The following PACRG variants were observed in gnomAD, a reference collection of about 807,000 sequenced individuals.
PACRG encodes the protein parkin coregulated, also known as parkin coregulated gene protein.
In PACRG, 29 loss-of-function variants were observed where a neutral mutation model predicts 29.7. That is an observed-to-expected ratio of 0.98 (90% confidence interval 0.73 to 1.33). The LOEUF (loss-of-function observed/expected upper bound fraction) is 1.33, where lower values mean the gene tolerates loss of function less well. Ranked by LOEUF, PACRG falls within the 40% of genes most tolerant of loss-of-function variation. PACRG has a pLI of 0.00. For synonymous variants in PACRG, 116 were observed against 118.7 expected (o/e 0.98, Z 0.15); for missense variants, 279 against 316.2 (o/e 0.88, Z 0.89).
At chr6:163,072,669 T>C (rs924888963) in intron 3 of PACRG, among the ~76,000 whole-genome samples, 2 of 152,140 alleles carry the variant, frequency 1.3e-5, no homozygotes, top group African/African-American at 2.4e-5. Context: ...AGTCAAATTA[T>C]CCTTGTTTGC....
At chr6:162,984,002 T>G (rs1802659102) in intron 2 of PACRG, among the ~76,000 whole-genome samples, 1 of 151,884 alleles carries the variant, frequency 6.6e-6, no homozygotes, top group Admixed American at 6.6e-5. Flanking sequence ...TTGTTCATTT[T>G]TAAAATTCTT....
chr6:163,111,479 A>AAT (rs1242242105), intron 4 of PACRG, among the ~76,000 whole-genome samples: 3 of 152,246 alleles, frequency 2.0e-5, no homozygotes, highest in Admixed American at 2.0e-4. Flanking sequence ...GGAGCAAAAT[A>AAT]ATATTCAACC....
intron 4 of PACRG, among the ~76,000 whole-genome samples, chr6:163,158,218 C>T (rs997904621): frequency 2.0e-5 from 3 of 152,140 alleles, no homozygotes; most frequent in Non-Finnish European, 4.4e-5. Flanking sequence ...ATTGTACCTA[C>T]AGGGAGTGGC....
In PACRG at chr6:162,956,553, G is replaced by C. The variant is rs961010846; in HGVS notation, c.292-105597G>C. Among the ~76,000 whole-genome samples the C allele has an allele frequency of 2.1e-4, 32 of 152,316 alleles. 1 individual carries two copies. The highest frequency in any genetic ancestry group is 2.1e-3 in the Admixed American group (32 of 15,296). ...GCTCTGGAGGCCAGAAGTCTCAGAT[G>C]AGAGTGTTGGCAGGGCCGTGCTCCC... On this transcript the variant is annotated intron_variant, in intron 2 of 4. Transcript: ENST00000366888.
At chr6:163,258,930 A>G (rs940947380) in intron 4 of PACRG, among the ~76,000 whole-genome samples, 2 of 152,160 alleles carry the variant, frequency 1.3e-5, no homozygotes, top group African/African-American at 4.8e-5. Flanking sequence ...AATGCCTCTA[A>G]TAATCACTAA....
At chr6:162,801,470 G>GA (rs145861390) in intron 1 of PACRG, among the ~76,000 whole-genome samples, 6,055 of 149,924 alleles carry the variant, frequency 0.04, 383 homozygotes, top group African/African-American at 0.14. Flanking sequence ...GCACCGATTA[G>GA]AAAAAAAAAT....
intron 4 of PACRG, chr6:163,310,398 G>T (rs1006486789): frequency 2.0e-5 from 3 of 152,252 alleles, no homozygotes; most frequent in African/African-American, 7.2e-5. Flanking sequence ...CAGGAAGCGT[G>T]GCTAATTAGG....
intron 4 of PACRG, among the ~76,000 whole-genome samples, chr6:163,196,970 G>GAT (rs1450713885): frequency 2.7e-5 from 4 of 148,118 alleles, no homozygotes; most frequent in Non-Finnish European, 4.5e-5. Flanking sequence ...TAGATAGATA[G>GAT]AGGCGGACAG....
intron 4 of PACRG, among the ~76,000 whole-genome samples, chr6:163,218,137 A>G (rs1307441682): frequency 6.6e-6 from 1 of 152,130 alleles, no homozygotes; most frequent in Non-Finnish European, 1.5e-5. Flanking sequence ...CCTCTTCTCC[A>G]AAAGAAAACA....
intron 2 of PACRG, among the ~76,000 whole-genome samples, chr6:162,896,850 CA>C (rs2128050505): frequency 6.6e-6 from 1 of 152,238 alleles, no homozygotes; most frequent in African/African-American, 2.4e-5. Flanking sequence ...TGTGTCATTC[CA>C]AAACCAATAA....
chr6:163,249,347 A>T (rs1782815942), intron 4 of PACRG, among the ~76,000 whole-genome samples: 1 of 145,832 alleles, frequency 6.9e-6, no homozygotes, highest in Non-Finnish European at 1.5e-5. Context: ...TTGTCCATTT[A>T]AAAAAAAACA....
chr6:162,794,300 GTGTTTC>G (rs1275486292), intron 1 of PACRG, among the ~76,000 whole-genome samples: 3 of 152,186 alleles, frequency 2.0e-5, no homozygotes, highest in Middle Eastern at 3.4e-3. Flanking sequence ...CTGTGGGGTT[GTGTTTC>G]TTTTTCTTGT....
At chr6:162,884,430 G>A (rs887919145) in intron 2 of PACRG, among the ~76,000 whole-genome samples, 4 of 152,196 alleles carry the variant, frequency 2.6e-5, no homozygotes, top group African/African-American at 9.6e-5. Flanking sequence ...ATATATACAT[G>A]CACACAAGTG....
At chr6:163,266,399 C>T (rs1388246048) in intron 4 of PACRG, among the ~76,000 whole-genome samples, 1 of 152,166 alleles carries the variant, frequency 6.6e-6, no homozygotes, top group Non-Finnish European at 1.5e-5. Context: ...TACTGGCTTA[C>T]TGTCCAGCAA....
chr6:163,046,172 G>T (rs1809350910), intron 2 of PACRG, among the ~76,000 whole-genome samples: 1 of 150,774 alleles, frequency 6.6e-6, no homozygotes, highest in Non-Finnish European at 1.5e-5. Context: ...GCTCCCCTCT[G>T]TGCCATCACT....
At chr6:163,181,284 A>C (rs1779646944) in intron 4 of PACRG, among the ~76,000 whole-genome samples, 1 of 152,194 alleles carries the variant, frequency 6.6e-6, no homozygotes, top group Non-Finnish European at 1.5e-5. Flanking sequence ...CAACCTCCTG[A>C]AACAGGCAGC....
chr6:163,136,060 CTATT>C (rs1343630448), intron 4 of PACRG, among the ~76,000 whole-genome samples: 1 of 152,024 alleles, frequency 6.6e-6, no homozygotes, highest in South Asian at 2.1e-4. Context: ...GTTTTTGTGC[CTATT>C]TATTCGGTCT....
chr6:163,308,661 G>C (rs1200912143), intron 4 of PACRG, among the ~76,000 whole-genome samples: 1 of 106,302 alleles, frequency 9.4e-6, no homozygotes, highest in Non-Finnish European at 1.9e-5. Context: ...GTGAGGCTCC[G>C]TCTCAAAAAA....
At chr6:162,734,498 A>C (rs1232685164) in intron 1 of PACRG, among the ~76,000 whole-genome samples, 1 of 123,148 alleles carries the variant, frequency 8.1e-6, no homozygotes, top group African/African-American at 4.1e-5. Flanking sequence ...TATCCAATTT[A>C]AATAATATAT....
Sources: gnomAD v4.1 joint callset for allele counts (sites outside exome capture counted in the v4.1 genomes callset) on GRCh38, gnomAD v4.1.1 for gene constraint, MANE v1.5 for transcripts, NCBI Gene and HGNC (gene_info 2026-07-23, HGNC 2026-07-21) for gene names.